The following MAD1L1 variants were observed in gnomAD, a reference collection of about 807,000 sequenced individuals.
MAD1L1 encodes mitotic arrest deficient 1 like 1.
Under a neutral mutation model 96.9 loss-of-function variants are expected in MAD1L1, and 95 were observed. That is an observed-to-expected ratio of 0.98 (90% confidence interval 0.83 to 1.16). The LOEUF (loss-of-function observed/expected upper bound fraction) is 1.16. Among genes scored for constraint, MAD1L1 ranks in the 50% most tolerant of loss-of-function variants. The probability of loss-of-function intolerance (pLI) is 0.00; values close to 1 mark genes in which losing one functional copy is unlikely to be tolerated. For synonymous variants in MAD1L1, 473 were observed against 396.6 expected (o/e 1.19, Z -2.29); for missense variants, 1,007 against 954.4 (o/e 1.06, Z -0.73).
At chr7:2,182,656 C>T (rs1185472926) in intron 10 of MAD1L1, among the ~76,000 whole-genome samples, 1 of 152,174 alleles carries the variant, frequency 6.6e-6, no homozygotes. Flanking sequence ...CTGATCCGTG[C>T]CACAGGGTAG....
intron 12 of MAD1L1, among the ~76,000 whole-genome samples, chr7:2,018,314 G>A (rs1228079032): frequency 6.6e-6 from 1 of 152,258 alleles, no homozygotes; most frequent in African/African-American, 2.4e-5. Context: ...TTCAAATGCA[G>A]CATGGCACAG....
chr7:1,932,817 T>G (rs1789557099), intron 17 of MAD1L1, among the ~76,000 whole-genome samples: 1 of 152,260 alleles, frequency 6.6e-6, no homozygotes, highest in African/African-American at 2.4e-5. Flanking sequence ...TCCTTCCATG[T>G]TCCTGTTGTT....
intron 15 of MAD1L1, among the ~76,000 whole-genome samples, chr7:1,978,637 C>A: frequency 6.6e-6 from 1 of 152,302 alleles, no homozygotes; most frequent in East Asian, 1.9e-4. Context: ...CACACAGCCC[C>A]CAACCCCATC....
At chr7:1,938,345 C>G (rs1248872230) in intron 16 of MAD1L1, among the ~76,000 whole-genome samples, 1 of 152,172 alleles carries the variant, frequency 6.6e-6, no homozygotes, top group Non-Finnish European at 1.5e-5. Context: ...ATCAATTCCA[C>G]CACATTCTGT....
intron 17 of MAD1L1, among the ~76,000 whole-genome samples, chr7:1,913,965 C>T (rs548554374): frequency 3.3e-5 from 5 of 152,218 alleles, no homozygotes; most frequent in East Asian, 3.9e-4. Context: ...TCCTGCTGGA[C>T]GCCATGCTGG....
At chr7:1,909,020 G>C (rs1787849307) in intron 17 of MAD1L1, among the ~76,000 whole-genome samples, 1 of 152,216 alleles carries the variant, frequency 6.6e-6, no homozygotes, top group African/African-American at 2.4e-5. Context: ...GGGTCTGATG[G>C]GTCAGAGATG....
chr7:1,843,792 C>T (rs766700405), intron 18 of MAD1L1, among the ~76,000 whole-genome samples: 65 of 152,166 alleles, frequency 4.3e-4, no homozygotes, highest in Non-Finnish European at 8.4e-4. Context: ...CACGTGGAGG[C>T]GAATTCACCT....
chr7:2,134,614 G>A (rs1294904480), intron 11 of MAD1L1, among the ~76,000 whole-genome samples: 2 of 152,226 alleles, frequency 1.3e-5, no homozygotes, highest in Admixed American at 1.3e-4. Context: ...CAAGTAATAA[G>A]AAATTAGCTT....
At chr7:2,194,637 C>T (rs1791893845) in intron 10 of MAD1L1, among the ~76,000 whole-genome samples, 2 of 152,158 alleles carry the variant, frequency 1.3e-5, no homozygotes, top group South Asian at 4.1e-4. Flanking sequence ...CTATTAATAC[C>T]CAGCCCTTTA....
At chr7:2,115,499 T>A (rs1396398506) in intron 11 of MAD1L1, among the ~76,000 whole-genome samples, 1 of 128,660 alleles carries the variant, frequency 7.8e-6, no homozygotes, top group African/African-American at 3.1e-5. Flanking sequence ...TGTTCCGGGG[T>A]CAGAGGAGGC....
intron 14 of MAD1L1, among the ~76,000 whole-genome samples, chr7:1,988,526 G>A (rs546759220): frequency 4.7e-4 from 71 of 152,300 alleles, no homozygotes; most frequent in Middle Eastern, 3.4e-3. Flanking sequence ...CAGGCACAGA[G>A]CACTCAGTAC....
chr7:2,161,697 G>T (rs1790139117), intron 10 of MAD1L1, among the ~76,000 whole-genome samples: 1 of 150,598 alleles, frequency 6.6e-6, no homozygotes, highest in African/African-American at 2.4e-5. Context: ...CTGGGATGTG[G>T]GGAGCGCCTC....
At chr7:2,182,273 TA>T (rs201713631) in intron 10 of MAD1L1, among the ~76,000 whole-genome samples, 41 of 146,632 alleles carry the variant, frequency 2.8e-4, no homozygotes, top group Admixed American at 3.4e-4. Flanking sequence ...ATGCAGTCAT[TA>T]AAAAAAAAAA....
Position 2,215,872 on chromosome 7 carries a change from C to T in MAD1L1, c.924+13G>A. The T allele has an allele frequency of 6.2e-7, 1 of 1,613,550 alleles. No individual in the cohort carries two copies. Among genetic ancestry groups the T allele is most frequent in the Non-Finnish European group, 8.5e-7 (1 of 1,179,446 alleles). On this transcript the variant is annotated intron_variant, in intron 9 of 18. Transcript: ENST00000265854. ...GGACACCCACAGGAACCGCACACCA[C>T]ACAGGCCCTCACCTCGTTCTCCAGC...
At chr7:1,906,168 G>A (rs955539091) in intron 17 of MAD1L1, among the ~76,000 whole-genome samples, 5 of 152,054 alleles carry the variant, frequency 3.3e-5, no homozygotes, top group South Asian at 2.1e-4. Flanking sequence ...GCTGGCCCAC[G>A]TGGGAAGACC....
chr7:2,191,273 T>C (rs965962424), intron 10 of MAD1L1, among the ~76,000 whole-genome samples: 9 of 152,138 alleles, frequency 5.9e-5, no homozygotes, highest in African/African-American at 2.2e-4. Context: ...TACCTCCACC[T>C]GCCACTAGGA....
rs1781171375 is a variant in MAD1L1, at chr7:1,986,784, C to T, written c.1417-6243G>A. On this transcript the variant is annotated intron_variant, in intron 14 of 18. Coordinates refer to ENST00000265854, the MANE Select transcript of MAD1L1 (RefSeq NM_001013836.2). ...CCAGGAAACAAGGGGGAAATGCTGA[C>T]GTGTGCCACAATGTTCAGAGCAAAA... Among the ~76,000 whole-genome samples the T allele has an allele frequency of 2.6e-5, 4 of 152,166 alleles. No individual in the cohort carries two copies. In the South Asian group the frequency reaches 6.2e-4, roughly 24 times the overall value.
At chr7:1,975,285 C>G (rs943388830) in intron 15 of MAD1L1, among the ~76,000 whole-genome samples, 4 of 152,228 alleles carry the variant, frequency 2.6e-5, no homozygotes, top group Admixed American at 1.3e-4. Context: ...CACGCCTTCC[C>G]ACCTGGGACC....
chr7:2,141,608 C>A (rs1356535397), intron 11 of MAD1L1, among the ~76,000 whole-genome samples: 1 of 152,236 alleles, frequency 6.6e-6, no homozygotes, highest in Non-Finnish European at 1.5e-5. Context: ...CTCACCCAGA[C>A]ATCTCCATGC....
Sources: gnomAD v4.1 joint callset for allele counts (sites outside exome capture counted in the v4.1 genomes callset) on GRCh38, gnomAD v4.1.1 for gene constraint, MANE v1.5 for transcripts, NCBI Gene and HGNC (gene_info 2026-07-23, HGNC 2026-07-21) for gene names.